The following SLC2A5 variants were observed in gnomAD, a reference collection of about 807,000 sequenced individuals.
SLC2A5 encodes solute carrier family 2, facilitated glucose transporter member 5.
SLC2A5 carries 56 observed loss-of-function variants against 50.3 expected under a neutral mutation model. The ratio of observed to expected loss-of-function variants is 1.11; its 90% CI spans 0.90 to 1.39. The LOEUF is 1.39. Ranked by LOEUF, SLC2A5 falls within the 40% of genes most tolerant of loss-of-function variation. SLC2A5 has a pLI of 0.00. For missense variants in SLC2A5, 566 were observed against 650.1 expected (o/e 0.87, Z 1.41); for synonymous variants, 269 against 281.9 (o/e 0.95, Z 0.46).
At chr1:9,069,657 T>C (rs753601608), upstream of SLC2A5, 2 of 1,025,222 alleles carry the variant, frequency 2.0e-6, no homozygotes. Context: ...GCCAATAGCA[T>C]TTTTATAGCC....
At chr1:9,041,195 T>C (rs1641293151) in intron 5 of SLC2A5, 1 of 391,654 alleles carries the variant, frequency 2.6e-6, no homozygotes, top group Non-Finnish European at 4.5e-6. Context: ...GGATGACTGA[T>C]GATAGTTTAA....
chr1:9,085,855 C>T (rs1346031092), intron 1 of SLC2A5, among the ~76,000 whole-genome samples: 1 of 152,112 alleles, frequency 6.6e-6, no homozygotes, highest in Non-Finnish European at 1.5e-5. Flanking sequence ...CCTGATGCAA[C>T]GGGCCCAGGC....
At chr1:9,072,243 T>G (rs1642227841), upstream of SLC2A5, 1 of 150,494 alleles carries the variant, frequency 6.6e-6, no homozygotes, top group East Asian at 2.0e-4. Flanking sequence ...GGCTCAAAGA[T>G]GGAGGAGGGG....
intron 1 of SLC2A5, among the ~76,000 whole-genome samples, chr1:9,067,105 C>T (rs576042607): frequency 4.6e-5 from 7 of 152,258 alleles, no homozygotes; most frequent in East Asian, 3.9e-4. Context: ...CTCCCCGGAC[C>T]GCGCAGCCTC....
At position 9,066,889 on chromosome 1, in the gene SLC2A5, G is replaced by A. The variant is rs552319575; in HGVS notation, c.33+2615C>T. Among the ~76,000 whole-genome samples the A allele has an allele frequency of 1.0e-3, 154 of 151,790 alleles. 1 individual carries two copies. The highest frequency in any genetic ancestry group is 8.7e-4 in the Non-Finnish European group (59 of 67,944). ...GCTACTCGGGAGGCTGAGGTGGGAG[G>A]ATTGCTGGAGCCCCGGACTTCAAGG... is the stretch of plus-strand genomic sequence containing the variant. On this transcript the variant is annotated intron_variant, in intron 1 of 11. Transcript: ENST00000377424.
At chr1:9,039,747 GC>G in intron 7 of SLC2A5, 52 bp downstream of exon 7, 1 of 1,431,076 alleles carries the variant, frequency 7.0e-7, no homozygotes, top group Non-Finnish European at 9.1e-7. Flanking sequence ...CAGGACCTGC[GC>G]CCCGCGCCCC....
chr1:9,054,382 C>G (rs1421176303), intron 3 of SLC2A5, among the ~76,000 whole-genome samples: 2 of 152,184 alleles, frequency 1.3e-5, no homozygotes, highest in African/African-American at 4.8e-5. Context: ...GTAGAGATGT[C>G]AGTTTTCCTC....
In SLC2A5 at chr1:9,037,804, G is replaced by T; in HGVS notation, c.1303-15C>A. 6.2e-7 allele frequency: 1 copy of T among 1,614,078 alleles called. No homozygotes were observed. The highest frequency in any genetic ancestry group is 8.5e-7 in the Non-Finnish European group (1 of 1,180,016). On this transcript the variant is annotated splice_polypyrimidine_tract_variant and intron_variant, in intron 11 of 11. Coordinates refer to ENST00000377424, the MANE Select transcript of SLC2A5 (RefSeq NM_003039.3). ...CCGAGGCCCTCCTGCGGGAAGAGGGGCAGGTGACACGTGTGGGACGTGGTT... is the reference window on the plus strand; with the variant it reads ...CCGAGGCCCTCCTGCGGGAAGAGGGTCAGGTGACACGTGTGGGACGTGGTT...
At chr1:9,048,325 A>G (rs944954647) in intron 3 of SLC2A5, among the ~76,000 whole-genome samples, 5 of 152,146 alleles carry the variant, frequency 3.3e-5, no homozygotes, top group Non-Finnish European at 5.9e-5. Context: ...CCTGGCCAAC[A>G]TGGTAAAACA....
At chr1:9,051,366 A>G (rs1641572679) in intron 3 of SLC2A5, among the ~76,000 whole-genome samples, 1 of 152,210 alleles carries the variant, frequency 6.6e-6, no homozygotes, top group Non-Finnish European at 1.5e-5. Context: ...GGATGAAAAG[A>G]CAAGCCACAA....
chr1:9,090,153 A>C (rs1167570487), upstream of SLC2A5, among the ~76,000 whole-genome samples: 1 of 152,106 alleles, frequency 6.6e-6, no homozygotes, highest in Admixed American at 6.5e-5. Context: ...CATTCTACAC[A>C]AACTAGGGGG....
In SLC2A5 at chr1:9,037,446, G is replaced by A; in HGVS notation, c.*140C>T. 1.4e-6 allele frequency: 1 copy of A among 716,828 alleles called. No individual in the cohort carries two copies. Among genetic ancestry groups the A allele is most frequent in the Non-Finnish European group, 2.4e-6 (1 of 418,888 alleles). The allele number at this position is 716,828 out of a possible 1,614,324, so 44.4% of individuals were successfully genotyped here. On this transcript the variant is annotated 3_prime_UTR_variant, in exon 12 of 12. Transcript: ENST00000377424. ...AGCCCTTTGCACAGTTCCCACTGGGGTGGGGAGGCTGGAGATGAGGACTGC... is the reference window on the plus strand; with the variant it reads ...AGCCCTTTGCACAGTTCCCACTGGGATGGGGAGGCTGGAGATGAGGACTGC...
chr1:9,051,654 G>A (rs1398330455), intron 3 of SLC2A5, among the ~76,000 whole-genome samples: 1 of 152,154 alleles, frequency 6.6e-6, no homozygotes, highest in Non-Finnish European at 1.5e-5. Flanking sequence ...TGGAGCAACA[G>A]GAACCCTCAT....
At chr1:9,072,796 C>CAAAAA (rs59542603), upstream of SLC2A5, among the ~76,000 whole-genome samples, 28 of 124,250 alleles carry the variant, frequency 2.3e-4, no homozygotes, top group African/African-American at 5.9e-4. Flanking sequence ...CTAAAAATGC[C>CAAAAA]AAAAAAAAAA....
chr1:9,054,423 G>C (rs1021775727), intron 3 of SLC2A5, among the ~76,000 whole-genome samples: 3 of 152,188 alleles, frequency 2.0e-5, no homozygotes, highest in African/African-American at 7.2e-5. Flanking sequence ...AGCAATGCCA[G>C]TCAGAATCTT....
At chr1:9,088,556 G>A (rs1642426751), upstream of SLC2A5, 1 of 152,406 alleles carries the variant, frequency 6.6e-6, no homozygotes, top group South Asian at 2.1e-4. Context: ...GTCAAAGTGG[G>A]TGGATCACGA....
chr1:9,075,416 C>G (rs2124469897), intron 2 of SLC2A5, among the ~76,000 whole-genome samples: 1 of 152,298 alleles, frequency 6.6e-6, no homozygotes, highest in Middle Eastern at 3.4e-3. Flanking sequence ...GTCCGCTCCT[C>G]TTCTGCTGAT....
At chr1:9,038,530 C>T (rs182651481) in intron 9 of SLC2A5, 24 bp from the exon 10 acceptor site, 2 of 1,596,778 alleles carry the variant, frequency 1.3e-6, no homozygotes, top group African/African-American at 1.3e-5. Context: ...GCAGTTGGTT[C>T]ACCTGGAGCA....
At chr1:9,089,832 T>C (rs1055174571), upstream of SLC2A5, among the ~76,000 whole-genome samples, 2 of 152,122 alleles carry the variant, frequency 1.3e-5, no homozygotes, top group East Asian at 1.9e-4. Context: ...CAGGAGGAAA[T>C]CTCTTCACAG....
Sources: allele counts gnomAD v4.1 joint callset (sites outside exome capture counted in the v4.1 genomes callset), GRCh38; gene constraint gnomAD v4.1.1; transcripts MANE v1.5; gene names NCBI Gene and HGNC (gene_info 2026-07-23, HGNC 2026-07-21).